EXPH5: variants seen among roughly 807,000 people sequenced by gnomAD.
The protein encoded by EXPH5 is exophilin-5.
In EXPH5, 42 loss-of-function variants were observed where a neutral mutation model predicts 41.1. The observed-to-expected ratio is 1.02, with a 90% CI of 0.80 to 1.32. The LOEUF is 1.32. EXPH5 is among the 40% of genes most tolerant of loss of function. The probability of loss-of-function intolerance (pLI) is 0.00; values close to 1 mark genes in which losing one functional copy is unlikely to be tolerated. For synonymous variants in EXPH5, 798 were observed against 833.5 expected, an observed-to-expected ratio of 0.96 and a Z score of 0.73; for missense variants, 2,298 against 2,314.5, an observed-to-expected ratio of 0.99 and a Z score of 0.15.
chr11:108,572,913 G>A (rs1450316764), intron 1 of EXPH5, among the ~76,000 whole-genome samples: 1 of 151,986 alleles, frequency 6.6e-6, no homozygotes, highest in African/African-American at 2.4e-5. Context: ...AATTTTTGAA[G>A]TAAATTAATT....
intron 1 of EXPH5, among the ~76,000 whole-genome samples, chr11:108,569,580 C>A (rs2094050931): frequency 6.6e-6 from 1 of 152,128 alleles, no homozygotes; most frequent in African/African-American, 2.4e-5. Context: ...ACCTCGTGAT[C>A]CGCCCTCTTC....
rs774650601 is a variant in EXPH5, at chr11:108,511,709, G to T, written c.3798C>A (p.Asn1266Lys). Residue 1266 changes from asparagine to lysine, a missense_variant, in exon 6 of 6, where the codon AAC becomes AAA. Asn to Lys is a moderately conservative substitution (Grantham distance 94, BLOSUM62 0). Coordinates refer to ENST00000265843, the MANE Select transcript of EXPH5 (RefSeq NM_015065.3). ...TATTTTGTGTATACTGTTGAAGGAG[G>T]TTACAGAATTTTTTGCTGGGTTTCC... ...LPRKPSKKFC[N>K]LLQQYTQNTN... 1 of 1,608,000 alleles carries T rather than the reference G, an allele frequency of 6.2e-7. No individual in the cohort carries two copies. The highest frequency in any genetic ancestry group is 1.1e-5 in the South Asian group (1 of 89,522).
At chr11:108,534,694 A>C (rs1476850774) in intron 3 of EXPH5, among the ~76,000 whole-genome samples, 2 of 152,190 alleles carry the variant, frequency 1.3e-5, no homozygotes, top group East Asian at 3.8e-4. Context: ...CAGGAACATC[A>C]TGTGTCACCA....
intron 1 of EXPH5, among the ~76,000 whole-genome samples, chr11:108,573,583 C>T (rs1245257003): frequency 6.6e-6 from 1 of 152,090 alleles, no homozygotes; most frequent in Non-Finnish European, 1.5e-5. Context: ...TATTTGGTTG[C>T]TACAGTCTTT....
intron 1 of EXPH5, among the ~76,000 whole-genome samples, chr11:108,560,610 G>A (rs955714290): frequency 3.3e-5 from 5 of 152,124 alleles, no homozygotes; most frequent in African/African-American, 1.2e-4. Context: ...GTTTTCATAT[G>A]GTATTATCTC....
intron 1 of EXPH5, among the ~76,000 whole-genome samples, chr11:108,555,878 C>G (rs1591733751): frequency 1.3e-5 from 2 of 152,188 alleles, no homozygotes; most frequent in South Asian, 2.1e-4. Flanking sequence ...TCAATCAAAT[C>G]TCTTTCCTTT....
At chr11:108,529,151 G>A (rs2093820070) in intron 3 of EXPH5, among the ~76,000 whole-genome samples, 1 of 151,670 alleles carries the variant, frequency 6.6e-6, no homozygotes, top group Non-Finnish European at 1.5e-5. Context: ...AAAAAAGAGA[G>A]AAAAAAACCA....
At position 108,511,293 on chromosome 11, in the gene EXPH5, A is replaced by G. The variant is rs767159879; in HGVS notation, c.4214T>C (p.Val1405Ala). Residue 1405 changes from valine (V) to alanine (A), a missense_variant, in exon 6 of 6, where the codon GTA (valine) becomes GCA (alanine). Transcript: ENST00000265843. The stretch of plus-strand genomic sequence containing the variant: ...ACAATTTTCAGATTTTTCTTCGGAT[A>G]CATTTTTTCTCTGAAGCATCAATGA... ...HTSLMLQRKN[V>A]SEEKSENCQQ... 4 of 1,602,570 alleles carry G rather than the reference A, an allele frequency of 2.5e-6. No homozygotes were observed. The highest frequency in any genetic ancestry group is 2.5e-6 in the Non-Finnish European group (3 of 1,176,614).
intron 3 of EXPH5, among the ~76,000 whole-genome samples, chr11:108,533,380 T>C (rs1002265894): frequency 1.3e-5 from 2 of 152,120 alleles, no homozygotes; most frequent in Non-Finnish European, 2.9e-5. Context: ...ATTTTTCTAA[T>C]TTTTAGTAGA....
At chr11:108,600,337 C>T in the EXPH5 span, among the ~76,000 whole-genome samples, 1 of 152,098 alleles carries the variant, frequency 6.6e-6, no homozygotes, top group Non-Finnish European at 1.5e-5. Flanking sequence ...ATGGTGGCTC[C>T]AACTAAACCT....
intron 3 of EXPH5, among the ~76,000 whole-genome samples, chr11:108,532,776 C>T (rs1253639781): frequency 1.3e-5 from 2 of 152,138 alleles, no homozygotes; most frequent in African/African-American, 4.8e-5. Context: ...GTTGTTTTGC[C>T]TAAAACACTT....
At chr11:108,538,577 C>G (rs565945616) in intron 3 of EXPH5, among the ~76,000 whole-genome samples, 1 of 152,248 alleles carries the variant, frequency 6.6e-6, no homozygotes, top group East Asian at 1.9e-4. Context: ...TCTCTAGTCT[C>G]TTTGTTCATC....
intron 1 of EXPH5, chr11:108,567,840 CAACATATTT>C (rs1341566899): frequency 6.6e-6 from 1 of 152,116 alleles, no homozygotes; most frequent in Non-Finnish European, 1.5e-5. Flanking sequence ...GGTGTGTGTA[CAACATATTT>C]AAGCAAATTC....
chr11:108,586,246 G>C (rs897430272), intron 1 of EXPH5, among the ~76,000 whole-genome samples: 1 of 152,216 alleles, frequency 6.6e-6, no homozygotes. Context: ...CACCTTGCCT[G>C]GCCAGAATGA....
chr11:108,509,873 T>C lies in EXPH5; in HGVS notation c.5634A>G (p.Ile1878Met). 6.2e-7 allele frequency: 1 copy of C among 1,610,630 alleles called. No homozygotes were observed. ...CATAGTCGATAGGTCTGTATATAGA[T>C]ATTGCAGACCTGGGACCTGTTTTTG... ...SGTKTGPRSA[I>M]SIYRPIDYGI... is the part of the protein sequence containing the mutation. Residue 1878 changes from isoleucine (I) to methionine (M), a missense_variant, in exon 6 of 6, where the codon ATA becomes ATG. Physicochemically the swap from Ile to Met is conservative, Grantham distance 10 (BLOSUM62 1). Coordinates refer to ENST00000265843, the MANE Select transcript of EXPH5 (RefSeq NM_015065.3).
At chr11:108,579,744 C>T (rs1289927730) in intron 1 of EXPH5, among the ~76,000 whole-genome samples, 1 of 152,122 alleles carries the variant, frequency 6.6e-6, no homozygotes, top group African/African-American at 2.4e-5. Context: ...TTTCCCTCTC[C>T]TCCACTATAC....
intron 1 of EXPH5, among the ~76,000 whole-genome samples, chr11:108,563,571 C>T (rs553412105): frequency 3.3e-4 from 50 of 152,296 alleles, no homozygotes; most frequent in Non-Finnish European, 6.0e-4. Flanking sequence ...AAACCCCAGA[C>T]GAGCACACAA....
intron 1 of EXPH5, among the ~76,000 whole-genome samples, chr11:108,556,583 C>T (rs1013171404): frequency 2.6e-5 from 4 of 152,166 alleles, no homozygotes; most frequent in Admixed American, 1.3e-4. Context: ...AGCGATTCTC[C>T]TGCCTCAGCC....
intron 3 of EXPH5, among the ~76,000 whole-genome samples, chr11:108,533,209 AT>A (rs11312188): frequency 0.3 from 43,967 of 146,794 alleles, 8,217 homozygotes; most frequent in African/African-American, 0.54. Context: ...TCTACATTCT[AT>A]TTTTTTTTTT....
Sources: gnomAD v4.1 joint callset for allele counts (sites outside exome capture counted in the v4.1 genomes callset) on GRCh38, gnomAD v4.1.1 for gene constraint, MANE v1.5 for transcripts, NCBI Gene and HGNC (gene_info 2026-07-23, HGNC 2026-07-21) for gene names.